The following ESRRG variants were observed in gnomAD, a reference collection of about 807,000 sequenced individuals.
ESRRG encodes estrogen related receptor gamma.
A neutral mutation model predicts 44.0 loss-of-function variants in ESRRG; 13 were observed. The observed-to-expected ratio is 0.30, with a 90% CI of 0.19 to 0.47. The LOEUF (loss-of-function observed/expected upper bound fraction) is 0.47. ESRRG is among the 20% of genes least tolerant of loss of function. The probability of loss-of-function intolerance (pLI) is 1.00; values close to 1 mark genes in which losing one functional copy is unlikely to be tolerated. For missense variants in ESRRG, 395 were observed against 580.6 expected, an observed-to-expected ratio of 0.68 and a Z score of 3.29; for synonymous variants, 215 against 214.6, an observed-to-expected ratio of 1.00 and a Z score of -0.02.
At chr1:216,889,026 G>A (rs943595339) in intron 2 of ESRRG, among the ~76,000 whole-genome samples, 1 of 152,180 alleles carries the variant, frequency 6.6e-6, no homozygotes, top group Non-Finnish European at 1.5e-5. Context: ...AAAGGTAAAG[G>A]ACAGAATTTC....
chr1:216,984,123 A>C (rs1047333406), intron 1 of ESRRG, among the ~76,000 whole-genome samples: 3 of 152,196 alleles, frequency 2.0e-5, no homozygotes, highest in Non-Finnish European at 4.4e-5. Context: ...TCCCATGTGT[A>C]GAATTCAAGC....
Position 216,564,327 on chromosome 1 carries a change from T to C in ESRRG, c.754A>G (p.Met252Val). The C allele has an allele frequency of 1.9e-6, 3 of 1,612,044 alleles. No homozygotes were observed. The highest frequency in any genetic ancestry group is 1.3e-5 in the African/African-American group (1 of 74,878). The change falls in exon 5 of 7, where the codon ATG (methionine) becomes GTG (valine). Residue 252 changes from methionine to valine, a missense_variant. Physicochemically the swap from Met to Val is conservative, Grantham distance 21. Transcript: ENST00000408911. The stretch of plus-strand genomic sequence containing the variant: ...CTGTCGGGGACAGTAGGGTCAGGCA[T>C]GGCATAGATCTTCTCCGGTTCAGCC... ...LVAEPEKIYA[M>V]PDPTVPDSDI...
intron 3 of ESRRG, among the ~76,000 whole-genome samples, chr1:216,594,305 T>C (rs910504519): frequency 6.6e-6 from 1 of 152,224 alleles, no homozygotes; most frequent in African/African-American, 2.4e-5. Flanking sequence ...GTATTACAAA[T>C]ATAAATACTC....
At chr1:216,753,671 G>A (rs1300656114) in intron 2 of ESRRG, among the ~76,000 whole-genome samples, 2 of 151,990 alleles carry the variant, frequency 1.3e-5, no homozygotes, top group Non-Finnish European at 2.9e-5. Flanking sequence ...ACATTCCTGT[G>A]GTATAGCCCT....
At chr1:216,793,810 A>G (rs1299091414) in intron 2 of ESRRG, among the ~76,000 whole-genome samples, 1 of 152,216 alleles carries the variant, frequency 6.6e-6, no homozygotes, top group Admixed American at 6.5e-5. Context: ...TAGGAGCCAC[A>G]TCTTATTCAT....
intron 5 of ESRRG, among the ~76,000 whole-genome samples, chr1:216,542,137 A>G: frequency 6.6e-6 from 1 of 150,864 alleles, no homozygotes; most frequent in Admixed American, 6.6e-5. Flanking sequence ...TTCTAGTACT[A>G]ATCCTTGTTG....
At chr1:217,020,466 C>G (rs1372874347) in intron 1 of ESRRG, among the ~76,000 whole-genome samples, 1 of 152,270 alleles carries the variant, frequency 6.6e-6, no homozygotes, top group Non-Finnish European at 1.5e-5. Flanking sequence ...ATTCTAATAT[C>G]CAAGGGAAAT....
intron 1 of ESRRG, among the ~76,000 whole-genome samples, chr1:217,132,544 G>A (rs546130016): frequency 2.6e-5 from 4 of 152,260 alleles, no homozygotes; most frequent in African/African-American, 9.6e-5. Flanking sequence ...GTGGCACCAC[G>A]AAAAACACAA....
At chr1:216,780,802 T>C (rs930016236) in intron 2 of ESRRG, among the ~76,000 whole-genome samples, 4 of 152,078 alleles carry the variant, frequency 2.6e-5, no homozygotes, top group African/African-American at 9.7e-5. Flanking sequence ...CCCAGACCTG[T>C]GTGCATTCTC....
chr1:217,063,562 A>T (rs1424738388), intron 1 of ESRRG, among the ~76,000 whole-genome samples: 1 of 152,172 alleles, frequency 6.6e-6, no homozygotes, highest in Non-Finnish European at 1.5e-5. Flanking sequence ...ATAAACTGGG[A>T]TAGTGAGTTA....
In ESRRG at chr1:217,024,306, C is replaced by T. The variant is rs7525595; in HGVS notation, c.-106+65201G>A. On this transcript the variant is annotated intron_variant, in intron 1 of 7. Coordinates refer to the ESRRG transcript ENST00000359162. Reference sequence around the variant, plus strand: ...CCGGGAGGTGGAGCTTGCAGTGAGCCGAGATTGCACCACTGCACTCCAGCC... The same window carrying T: ...CCGGGAGGTGGAGCTTGCAGTGAGCTGAGATTGCACCACTGCACTCCAGCC... Among the ~76,000 whole-genome samples, 472 of 151,388 alleles carry T rather than the reference C, an allele frequency of 3.1e-3. 1 individual carries two copies. The highest frequency in any genetic ancestry group is 0.011 in the African/African-American group (447 of 41,190).
At chr1:216,668,083 C>T (rs1467649699) in intron 2 of ESRRG, among the ~76,000 whole-genome samples, 5 of 151,860 alleles carry the variant, frequency 3.3e-5, no homozygotes, top group Non-Finnish European at 5.9e-5. Context: ...GGTGACAGAA[C>T]GAGACTCCAT....
intron 1 of ESRRG, chr1:217,137,531 G>A (rs1381874734): frequency 6.6e-6 from 1 of 152,326 alleles, no homozygotes; most frequent in Non-Finnish European, 1.5e-5. Context: ...CTGCCCCAAG[G>A]GCCTGGGAGG....
chr1:216,824,013 CT>C (rs1277841740), intron 2 of ESRRG, among the ~76,000 whole-genome samples: 2 of 152,146 alleles, frequency 1.3e-5, no homozygotes, highest in Admixed American at 1.3e-4. Flanking sequence ...TCTTATTTAT[CT>C]TTTTTTCTGA....
At chr1:216,773,037 A>G (rs905416394) in intron 2 of ESRRG, among the ~76,000 whole-genome samples, 7 of 152,090 alleles carry the variant, frequency 4.6e-5, no homozygotes, top group Non-Finnish European at 7.4e-5. Flanking sequence ...ATGGCTTCTA[A>G]TGGTCTTAGT....
At chr1:216,957,716 G>T (rs2068223523) in intron 1 of ESRRG, among the ~76,000 whole-genome samples, 1 of 151,978 alleles carries the variant, frequency 6.6e-6, no homozygotes, top group Non-Finnish European at 1.5e-5. Context: ...CTCCACCCTC[G>T]GCCTCTTCAG....
chr1:216,868,444 A>ACG (rs770336180), intron 2 of ESRRG, among the ~76,000 whole-genome samples: 4 of 152,218 alleles, frequency 2.6e-5, no homozygotes, highest in Non-Finnish European at 4.4e-5. Flanking sequence ...TGGATGCACC[A>ACG]CAGTTTATCT....
At chr1:216,894,077 C>G (rs1406354738) in intron 2 of ESRRG, among the ~76,000 whole-genome samples, 1 of 152,146 alleles carries the variant, frequency 6.6e-6, no homozygotes, top group Admixed American at 6.5e-5. Context: ...GGAACAGAGG[C>G]AAGTGATTTT....
chr1:216,764,200 C>T (rs1027703670), intron 2 of ESRRG, among the ~76,000 whole-genome samples: 4 of 151,782 alleles, frequency 2.6e-5, no homozygotes, highest in East Asian at 3.9e-4. Flanking sequence ...TTCTCTCCCC[C>T]ACTGCCCCCC....
Sources: allele counts gnomAD v4.1 joint callset (sites outside exome capture counted in the v4.1 genomes callset), GRCh38; gene constraint gnomAD v4.1.1; transcripts MANE v1.5; gene names NCBI Gene and HGNC (gene_info 2026-07-23, HGNC 2026-07-21).